Variants in CDH12 observed in about 807,000 individuals in gnomAD.
CDH12 encodes cadherin-12.
A neutral mutation model predicts 74.1 loss-of-function variants in CDH12; 41 were observed. The observed-to-expected ratio is 0.55, with a 90% CI of 0.43 to 0.72. CDH12 has a LOEUF of 0.72. CDH12 is among the 30% of genes least tolerant of loss of function. The pLI is 0.00. For synonymous variants in CDH12, 399 were observed against 355.0 expected, an observed-to-expected ratio of 1.12 and a Z score of -1.39; for missense variants, 945 against 977.2, an observed-to-expected ratio of 0.97 and a Z score of 0.44.
At position 21,802,583 on chromosome 5, in the gene CDH12, A is replaced by AT. The variant is rs1488305945; in HGVS notation, c.1003-164dup. Among the ~76,000 whole-genome samples, 122 of 97,000 alleles carry AT rather than the reference A, an allele frequency of 1.3e-3. 1 individual carries two copies. Among genetic ancestry groups the AT allele is most frequent in the Non-Finnish European group, 2.2e-3 (97 of 43,308 alleles). The allele number at this position is 97,000 out of a possible 152,430, so 63.6% of individuals were successfully genotyped here. On this transcript the variant is annotated intron_variant, in intron 9 of 14. Transcript: ENST00000382254. ...GGGTAAGGGCAGCACAAGGCAAACC[A>AT]TTTTTTTTTCTTTTTTTTTTTTTTT... is the stretch of plus-strand genomic sequence containing the variant.
intron 2 of CDH12, among the ~76,000 whole-genome samples, chr5:22,454,238 A>G (rs1212075656): frequency 1.3e-5 from 2 of 152,192 alleles, no homozygotes; most frequent in African/African-American, 4.8e-5. Flanking sequence ...AATGAAACAT[A>G]ATTTCTACAT....
At chr5:22,419,548 C>G (rs1266140414) in intron 2 of CDH12, among the ~76,000 whole-genome samples, 1 of 152,154 alleles carries the variant, frequency 6.6e-6, no homozygotes. Flanking sequence ...TCCAGTCTAT[C>G]ATTGATGGGC....
chr5:22,170,388 T>C (rs938245802), intron 4 of CDH12, among the ~76,000 whole-genome samples: 1 of 151,824 alleles, frequency 6.6e-6, no homozygotes, highest in African/African-American at 2.4e-5. Flanking sequence ...CCTGAATACT[T>C]TTAAGGCAAT....
chr5:21,924,870 T>C (rs1419430616), intron 6 of CDH12, among the ~76,000 whole-genome samples: 2 of 152,192 alleles, frequency 1.3e-5, no homozygotes, highest in African/African-American at 4.8e-5. Flanking sequence ...CCATTGATAC[T>C]AGAAATAACT....
At chr5:22,004,937 G>A (rs1329964764) in intron 5 of CDH12, among the ~76,000 whole-genome samples, 7 of 152,090 alleles carry the variant, frequency 4.6e-5, no homozygotes, top group African/African-American at 1.7e-4. Context: ...CAAGATAATG[G>A]CCTCCAGCTC....
intron 4 of CDH12, among the ~76,000 whole-genome samples, chr5:22,150,259 T>C (rs906813456): frequency 2.0e-5 from 3 of 152,100 alleles, no homozygotes; most frequent in Non-Finnish European, 4.4e-5. Flanking sequence ...ACAATTATCA[T>C]TAATTATTCA....
chr5:21,832,777 T>A (rs545800462), intron 8 of CDH12, among the ~76,000 whole-genome samples: 1 of 122,352 alleles, frequency 8.2e-6, no homozygotes, highest in Non-Finnish European at 1.6e-5. Context: ...ATATATTATA[T>A]TAATATATAT....
intron 1 of CDH12, among the ~76,000 whole-genome samples, chr5:22,606,665 T>TA: frequency 6.6e-6 from 1 of 152,192 alleles, no homozygotes. Flanking sequence ...CTTTCCTTTA[T>TA]AAATTACCCA....
chr5:22,101,061 A>C (rs1744113450), intron 4 of CDH12, among the ~76,000 whole-genome samples: 1 of 152,188 alleles, frequency 6.6e-6, no homozygotes, highest in South Asian at 2.1e-4. Context: ...TACAAAAACC[A>C]GATATTACCT....
At chr5:22,611,399 G>T (rs1409351202) in intron 1 of CDH12, among the ~76,000 whole-genome samples, 1 of 152,134 alleles carries the variant, frequency 6.6e-6, no homozygotes, top group East Asian at 1.9e-4. Context: ...CTGGCTCTTA[G>T]ATCCTTCTTA....
At chr5:22,420,241 C>A (rs1179916708) in intron 2 of CDH12, among the ~76,000 whole-genome samples, 1 of 152,132 alleles carries the variant, frequency 6.6e-6, no homozygotes, top group Admixed American at 6.6e-5. Flanking sequence ...TTCATGAAAT[C>A]TTTGCCCATG....
intron 9 of CDH12, among the ~76,000 whole-genome samples, chr5:21,804,134 C>A (rs113671057): frequency 0.01 from 1,593 of 152,148 alleles, 20 homozygotes; most frequent in African/African-American, 0.036. Context: ...AATTTGCTAA[C>A]CTCATACCTG....
At chr5:22,410,126 A>C (rs1743114346) in intron 2 of CDH12, among the ~76,000 whole-genome samples, 1 of 152,056 alleles carries the variant, frequency 6.6e-6, no homozygotes, top group Non-Finnish European at 1.5e-5. Context: ...CAATACCTCA[A>C]AATGAAAGCC....
chr5:22,122,399 T>C (rs978257008), intron 4 of CDH12, among the ~76,000 whole-genome samples: 2 of 152,128 alleles, frequency 1.3e-5, no homozygotes, highest in African/African-American at 2.4e-5. Flanking sequence ...TGAGACTCCA[T>C]CTCACAAAAA....
intron 3 of CDH12, among the ~76,000 whole-genome samples, chr5:22,377,620 C>T (rs1741589420): frequency 6.6e-6 from 1 of 152,212 alleles, no homozygotes; most frequent in African/African-American, 2.4e-5. Flanking sequence ...ACATTCCTTC[C>T]TGGGCATCTG....
chr5:21,997,077 T>C (rs189368186), intron 5 of CDH12, among the ~76,000 whole-genome samples: 2,051 of 152,276 alleles, frequency 0.013, 29 homozygotes, highest in Non-Finnish European at 0.022. Flanking sequence ...TTATCTTCTT[T>C]GACATTATTA....
chr5:21,774,889 C>T (rs1217216396), intron 11 of CDH12, among the ~76,000 whole-genome samples: 1 of 152,088 alleles, frequency 6.6e-6, no homozygotes, highest in Non-Finnish European at 1.5e-5. Flanking sequence ...TAACTGATTC[C>T]ACTCTTTTGT....
chr5:22,323,902 A>G (rs912444035), intron 3 of CDH12, among the ~76,000 whole-genome samples: 7 of 152,176 alleles, frequency 4.6e-5, no homozygotes, highest in Non-Finnish European at 1.0e-4. Context: ...TCATTTCTTC[A>G]TCTGTAAATC....
intron 3 of CDH12, among the ~76,000 whole-genome samples, chr5:22,248,859 T>C (rs1041761807): frequency 6.6e-6 from 1 of 151,998 alleles, no homozygotes; most frequent in African/African-American, 2.4e-5. Flanking sequence ...TTTTCTTTAA[T>C]CATTTATATT....
Sources: gnomAD v4.1 joint callset for allele counts (sites outside exome capture counted in the v4.1 genomes callset) on GRCh38, gnomAD v4.1.1 for gene constraint, MANE v1.5 for transcripts, NCBI Gene and HGNC (gene_info 2026-07-23, HGNC 2026-07-21) for gene names.